The following UBE3D variants were observed in gnomAD, a reference collection of about 807,000 sequenced individuals.
UBE3D encodes ubiquitin protein ligase E3D, also known as E3 ubiquitin-protein ligase E3D.
In UBE3D, 48 loss-of-function variants were observed where a neutral mutation model predicts 49.6. That is an observed-to-expected ratio of 0.97 (90% CI 0.77 to 1.23). UBE3D has a LOEUF of 1.23. Among genes scored for constraint, UBE3D ranks in the 50% most tolerant of loss-of-function variants. The pLI is 0.00. For missense variants in UBE3D, 452 were observed against 468.4 expected (o/e 0.96, Z 0.32); for synonymous variants, 189 against 174.2 (o/e 1.08, Z -0.67).
chr6:83,011,768 C>T (rs1052242283), intron 8 of UBE3D, among the ~76,000 whole-genome samples: 2 of 152,036 alleles, frequency 1.3e-5, no homozygotes, highest in South Asian at 2.1e-4. Context: ...GAACTAAGAC[C>T]TCTAGTCCAG....
chr6:83,025,105 G>A (rs946357989), intron 5 of UBE3D, among the ~76,000 whole-genome samples: 7 of 152,174 alleles, frequency 4.6e-5, no homozygotes, highest in Non-Finnish European at 1.5e-5. Context: ...GAATAACTCA[G>A]ATTATTCCAA....
At position 83,008,280 on chromosome 6, in the gene UBE3D, C is replaced by T. The variant is rs145443735; in HGVS notation, c.1010+10693G>A. On this transcript the variant is annotated intron_variant, in intron 8 of 9. Coordinates refer to ENST00000369747, the MANE Select transcript of UBE3D (RefSeq NM_198920.3). Reference sequence around the variant, plus strand: ...GTGAGGCTAAATTACTCCCAGTCTACACATGAGGCCACAGGTGAACTGATG... The same window carrying T: ...GTGAGGCTAAATTACTCCCAGTCTATACATGAGGCCACAGGTGAACTGATG... 2.9e-3 allele frequency among the ~76,000 whole-genome samples: 438 copies of T among 152,284 alleles called. 3 individuals are homozygous for T. Among genetic ancestry groups the T allele is most frequent in the African/African-American group, 0.01 (423 of 41,560 alleles).
chr6:82,898,637 T>C (rs1319302524), intron 9 of UBE3D, among the ~76,000 whole-genome samples: 4 of 142,382 alleles, frequency 2.8e-5, no homozygotes, highest in Non-Finnish European at 4.6e-5. Context: ...TGAGAACACA[T>C]GGACACAGGG....
intron 9 of UBE3D, among the ~76,000 whole-genome samples, chr6:82,930,146 C>T (rs1774040866): frequency 6.6e-6 from 1 of 152,014 alleles, no homozygotes; most frequent in Non-Finnish European, 1.5e-5. Flanking sequence ...GCGGCTTCTC[C>T]CACCCTTTAC....
chr6:83,055,138 G>A (rs1020046247), intron 2 of UBE3D, among the ~76,000 whole-genome samples: 20 of 58,166 alleles, frequency 3.4e-4, no homozygotes, highest in Non-Finnish European at 6.0e-4. Context: ...GTTGAAAGCT[G>A]TGGGGAAAAA....
intron 1 of UBE3D, among the ~76,000 whole-genome samples, chr6:83,061,593 C>T (rs553887041): frequency 3.9e-5 from 6 of 152,300 alleles, no homozygotes; most frequent in African/African-American, 1.4e-4. Flanking sequence ...AAAGTCCTTT[C>T]GATGGTCCAT....
At chr6:82,903,157 CT>C (rs960757297) in intron 9 of UBE3D, among the ~76,000 whole-genome samples, 11 of 148,540 alleles carry the variant, frequency 7.4e-5, no homozygotes, top group African/African-American at 1.7e-4. Context: ...TGCACGCATT[CT>C]TTTTTTTTTG....
At chr6:82,907,918 C>T (rs1772220964) in intron 9 of UBE3D, among the ~76,000 whole-genome samples, 1 of 152,062 alleles carries the variant, frequency 6.6e-6, no homozygotes, top group South Asian at 2.1e-4. Context: ...AAAACAGCCC[C>T]CAATAGGAAA....
chr6:82,883,229 A>G, the UBE3D span, among the ~76,000 whole-genome samples: 1 of 152,200 alleles, frequency 6.6e-6, no homozygotes, highest in African/African-American at 2.4e-5. Context: ...TCTGGGAGGA[A>G]TAAGGAAAAT....
intron 3 of UBE3D, 39 bp downstream of exon 3, chr6:83,054,109 C>G: frequency 6.6e-7 from 1 of 1,521,480 alleles, no homozygotes; most frequent in Non-Finnish European, 9.1e-7. Flanking sequence ...ATAACCATTG[C>G]CAGGCACAGA....
At chr6:83,044,942 T>G (rs943413428) in intron 3 of UBE3D, among the ~76,000 whole-genome samples, 2 of 152,228 alleles carry the variant, frequency 1.3e-5, no homozygotes, top group Admixed American at 1.3e-4. Flanking sequence ...TCTGTACATA[T>G]CACACGAAGT....
intron 9 of UBE3D, among the ~76,000 whole-genome samples, chr6:82,939,885 A>G (rs1268450925): frequency 1.3e-5 from 2 of 152,232 alleles, no homozygotes; most frequent in African/African-American, 4.8e-5. Flanking sequence ...TTAGTAAGCT[A>G]TACATCATCC....
chr6:82,903,911 T>A (rs183921600), intron 9 of UBE3D, among the ~76,000 whole-genome samples: 2 of 151,938 alleles, frequency 1.3e-5, no homozygotes, highest in African/African-American at 4.8e-5. Context: ...AAGCCTTGGG[T>A]TTTTTACTTT....
At chr6:82,904,499 A>T (rs1771958924) in intron 9 of UBE3D, among the ~76,000 whole-genome samples, 1 of 152,176 alleles carries the variant, frequency 6.6e-6, no homozygotes, top group South Asian at 2.1e-4. Context: ...GACCTCTTGG[A>T]GCCTTAGCTC....
At chr6:82,976,150 C>T (rs931091269) in intron 8 of UBE3D, among the ~76,000 whole-genome samples, 3 of 152,136 alleles carry the variant, frequency 2.0e-5, no homozygotes, top group East Asian at 1.9e-4. Flanking sequence ...AGAAACAAAC[C>T]GGGGAATGTG....
At chr6:82,960,493 C>T (rs950722572) in intron 8 of UBE3D, among the ~76,000 whole-genome samples, 1 of 151,890 alleles carries the variant, frequency 6.6e-6, no homozygotes, top group Non-Finnish European at 1.5e-5. Context: ...TCCTGTGAGA[C>T]CCACTTACAT....
chr6:82,902,783 A>G (rs1238393632), intron 9 of UBE3D, among the ~76,000 whole-genome samples: 1 of 152,196 alleles, frequency 6.6e-6, no homozygotes, highest in East Asian at 1.9e-4. Flanking sequence ...ATTTTTCAGT[A>G]GTTTGTATAA....
intron 9 of UBE3D, among the ~76,000 whole-genome samples, chr6:82,930,447 A>T (rs1774063391): frequency 1.3e-5 from 2 of 152,178 alleles, no homozygotes; most frequent in South Asian, 4.1e-4. Context: ...TGGCAGGCTC[A>T]GAAGAAGATA....
chr6:82,918,290 CA>C (rs1264772779), intron 9 of UBE3D, among the ~76,000 whole-genome samples: 2 of 145,692 alleles, frequency 1.4e-5, no homozygotes, highest in African/African-American at 5.0e-5. Context: ...ACAACAACAA[CA>C]AAAAAAAAAC....
Sources: allele counts gnomAD v4.1 joint callset (sites outside exome capture counted in the v4.1 genomes callset), GRCh38; gene constraint gnomAD v4.1.1; transcripts MANE v1.5; gene names NCBI Gene and HGNC (gene_info 2026-07-23, HGNC 2026-07-21).